The following DOCK8 variants were observed in gnomAD, a reference collection of about 807,000 sequenced individuals.
DOCK8 encodes the protein dedicator of cytokinesis protein 8.
Under a neutral mutation model 245.6 loss-of-function variants are expected in DOCK8, and 141 were observed. That is an observed-to-expected ratio of 0.57 (90% CI 0.50 to 0.66). The LOEUF (loss-of-function observed/expected upper bound fraction) is 0.66. Among genes scored for constraint, DOCK8 ranks in the 30% least tolerant of loss-of-function variants. The pLI, the probability that DOCK8 is intolerant of heterozygous loss-of-function variation, is 0.00. For synonymous variants in DOCK8, 1,168 were observed against 970.2 expected (o/e 1.20, Z -3.79); for missense variants, 2,965 against 2,603.4 (o/e 1.14, Z -3.02).
intron 5 of DOCK8, among the ~76,000 whole-genome samples, chr9:309,993 C>T (rs534795829): frequency 2.0e-5 from 3 of 152,210 alleles, no homozygotes; most frequent in East Asian, 3.9e-4. Flanking sequence ...CGTGGCCAAG[C>T]GTGGTGGCTC....
At chr9:452,757 C>G (rs1057140902) in intron 46 of DOCK8, 1 of 152,300 alleles carries the variant, frequency 6.6e-6, no homozygotes, top group African/African-American at 2.4e-5. Context: ...AAGGTATTAT[C>G]CTGTGACAGT....
chr9:235,561 C>T (rs560394212), intron 1 of DOCK8, among the ~76,000 whole-genome samples: 10 of 152,324 alleles, frequency 6.6e-5, no homozygotes, highest in East Asian at 1.9e-4. Context: ...TCGAGCTTCC[C>T]GGCCGCTTTG....
chr9:366,443 A>G (rs2053006125), intron 14 of DOCK8: 1 of 152,218 alleles, frequency 6.6e-6, no homozygotes, highest in Non-Finnish European at 1.5e-5. Context: ...TGTTCCAATT[A>G]TCATTTTTCC....
At chr9:384,897 C>T (rs2053886094) in intron 22 of DOCK8, among the ~76,000 whole-genome samples, 3 of 152,076 alleles carry the variant, frequency 2.0e-5, no homozygotes. Flanking sequence ...GCCTGGGCAG[C>T]AGAGCGAGAC....
intron 26 of DOCK8, among the ~76,000 whole-genome samples, chr9:401,338 G>A (rs996144986): frequency 7.9e-5 from 12 of 152,140 alleles, no homozygotes; most frequent in African/African-American, 2.9e-4. Flanking sequence ...CATGAGAACA[G>A]CCATAGGCCT....
intron 26 of DOCK8, among the ~76,000 whole-genome samples, chr9:400,824 CCATCACCAT>C (rs1298385419): frequency 1.3e-4 from 6 of 46,930 alleles, no homozygotes; most frequent in East Asian, 8.3e-4. Flanking sequence ...ACCACCTCCA[CCATCACCAT>C]CACCACCACC....
chr9:461,117 G>C (rs1409661489), intron 46 of DOCK8, among the ~76,000 whole-genome samples: 3 of 152,148 alleles, frequency 2.0e-5, no homozygotes. Context: ...CCGTGCAGGA[G>C]ACAGGGAAAA....
At chr9:357,062 T>C (rs2052480008) in intron 14 of DOCK8, among the ~76,000 whole-genome samples, 1 of 152,176 alleles carries the variant, frequency 6.6e-6, no homozygotes, top group African/African-American at 2.4e-5. Context: ...TGAAAACTAG[T>C]TGGACTTAAA....
intron 4 of DOCK8, among the ~76,000 whole-genome samples, chr9:295,424 G>C (rs1318568945): frequency 6.6e-6 from 1 of 152,046 alleles, no homozygotes; most frequent in Non-Finnish European, 1.5e-5. Context: ...TTCCCTCCAA[G>C]TGAAATACTT....
intron 14 of DOCK8, among the ~76,000 whole-genome samples, chr9:349,189 ACAGCGT>A (rs2052043002): frequency 6.6e-6 from 1 of 152,236 alleles, no homozygotes; most frequent in African/African-American, 2.4e-5. Flanking sequence ...CTGTGTTTTG[ACAGCGT>A]AATAAGGTAA....
intron 44 of DOCK8, among the ~76,000 whole-genome samples, chr9:448,438 A>G (rs1200825316): frequency 1.3e-5 from 2 of 152,160 alleles, no homozygotes; most frequent in Admixed American, 6.5e-5. Flanking sequence ...TCGTTCCCCA[A>G]CAACCTCAAC....
At chr9:336,853 T>C (rs1456272284) in intron 12 of DOCK8, 135 bp downstream of exon 12, 27 of 1,069,194 alleles carry the variant, frequency 2.5e-5, no homozygotes, top group Non-Finnish European at 3.6e-5. Flanking sequence ...TTTCTGCTGC[T>C]TATAATAGAG....
intron 36 of DOCK8, 149 bp from the exon 37 acceptor site, chr9:432,017 C>T (rs1021540966): frequency 5.5e-5 from 42 of 769,214 alleles, no homozygotes; most frequent in Non-Finnish European, 6.9e-5. Flanking sequence ...CAAAGTGTAG[C>T]TCCCATTTCA....
At chr9:318,036 C>A (rs1159069835) in intron 7 of DOCK8, among the ~76,000 whole-genome samples, 27 of 151,436 alleles carry the variant, frequency 1.8e-4, no homozygotes, top group Non-Finnish European at 1.5e-5. Flanking sequence ...AAAATATTAT[C>A]TACATTATAA....
At chr9:256,342 T>A (rs1237142413) in intron 1 of DOCK8, among the ~76,000 whole-genome samples, 2 of 152,234 alleles carry the variant, frequency 1.3e-5, no homozygotes, top group Non-Finnish European at 1.5e-5. Context: ...AAGAAAATCC[T>A]GCAAGAGGCA....
At chr9:388,857 T>A (rs1431733612) in intron 23 of DOCK8, among the ~76,000 whole-genome samples, 7 of 152,190 alleles carry the variant, frequency 4.6e-5, no homozygotes, top group African/African-American at 9.6e-5. Context: ...CCTAGCCCTC[T>A]GTGGATAATT....
intron 14 of DOCK8, among the ~76,000 whole-genome samples, chr9:343,854 A>G (rs182172852): frequency 3.3e-5 from 5 of 152,388 alleles, no homozygotes; most frequent in Non-Finnish European, 5.9e-5. Context: ...TGAATTCTGT[A>G]GTTATTCAAC....
In DOCK8 at chr9:403,994, G is replaced by A. The variant is rs373054483; in HGVS notation, c.3235-924G>A. On this transcript the variant is annotated intron_variant, in intron 26 of 47. Transcript: ENST00000432829. ...TATATATGTGTATATATATATATGT[G>A]TATATATATATATATATAGTTTAAA... Among the ~76,000 whole-genome samples the A allele has an allele frequency of 9.5e-4, 67 of 70,440 alleles. 1 individual carries two copies. Among genetic ancestry groups the A allele is most frequent in the African/African-American group, 3.8e-3 (48 of 12,472 alleles). 46.2% of individuals were successfully genotyped at this position (70,440 alleles called of 152,430 possible).
intron 46 of DOCK8, chr9:458,087 G>A (rs1243019203): frequency 2.0e-5 from 3 of 152,210 alleles, no homozygotes; most frequent in Non-Finnish European, 4.4e-5. Flanking sequence ...AGGAAGAGTA[G>A]CTTAAATAAG....
Sources: allele counts gnomAD v4.1 joint callset (sites outside exome capture counted in the v4.1 genomes callset), GRCh38; gene constraint gnomAD v4.1.1; transcripts MANE v1.5; gene names NCBI Gene and HGNC (gene_info 2026-07-23, HGNC 2026-07-21).